The following ADGRB3 variants were observed in gnomAD, a reference collection of about 807,000 sequenced individuals.
The protein encoded by ADGRB3 is brain-specific angiogenesis inhibitor 3.
ADGRB3 carries 37 observed loss-of-function variants against 193.4 expected under a neutral mutation model. The ratio of observed to expected loss-of-function variants is 0.19; its 90% CI spans 0.15 to 0.25. The LOEUF is 0.25. ADGRB3 is among the 10% of genes least tolerant of loss of function. The pLI is 1.00. For synonymous variants in ADGRB3, 690 were observed against 644.2 expected (o/e 1.07, Z -1.08); for missense variants, 1,637 against 1,852.9 (o/e 0.88, Z 2.14).
At chr6:69,180,393 T>G (rs1582523627) in intron 17 of ADGRB3, among the ~76,000 whole-genome samples, 1 of 152,064 alleles carries the variant, frequency 6.6e-6, no homozygotes, top group African/African-American at 2.4e-5. Flanking sequence ...CTGATGCAGG[T>G]GAATGGGCAA....
chr6:69,104,697 A>T (rs1257623011), intron 17 of ADGRB3, among the ~76,000 whole-genome samples: 1 of 152,144 alleles, frequency 6.6e-6, no homozygotes, highest in Non-Finnish European at 1.5e-5. Flanking sequence ...CACTGAAAAC[A>T]CAATATGTGT....
At chr6:69,187,147 CA>C (rs1765088326) in intron 17 of ADGRB3, among the ~76,000 whole-genome samples, 1 of 151,756 alleles carries the variant, frequency 6.6e-6, no homozygotes, top group Admixed American at 6.6e-5. Flanking sequence ...TTCATGTTTA[CA>C]ATATGTGTAT....
chr6:68,907,085 A>C (rs1766568981), intron 3 of ADGRB3, among the ~76,000 whole-genome samples: 1 of 151,966 alleles, frequency 6.6e-6, no homozygotes, highest in African/African-American at 2.4e-5. Flanking sequence ...AGCACTCAGC[A>C]GCATCTGACT....
At chr6:68,733,552 T>C (rs1431229998) in intron 3 of ADGRB3, among the ~76,000 whole-genome samples, 1 of 151,694 alleles carries the variant, frequency 6.6e-6, no homozygotes, top group Non-Finnish European at 1.5e-5. Context: ...CCTGGGGAAA[T>C]GCGTTCACTA....
chr6:69,027,248 G>A (rs1427192419), intron 13 of ADGRB3, among the ~76,000 whole-genome samples: 1 of 150,674 alleles, frequency 6.6e-6, no homozygotes, highest in Non-Finnish European at 1.5e-5. Context: ...CCCAAGACAT[G>A]AATTCACACA....
chr6:68,967,185 A>G (rs1768408429), intron 8 of ADGRB3, among the ~76,000 whole-genome samples: 1 of 152,204 alleles, frequency 6.6e-6, no homozygotes, highest in South Asian at 2.1e-4. Flanking sequence ...CAATGAATCC[A>G]AGGCTTCATA....
At chr6:69,188,404 G>A (rs1765111954) in intron 17 of ADGRB3, among the ~76,000 whole-genome samples, 1 of 152,044 alleles carries the variant, frequency 6.6e-6, no homozygotes, top group African/African-American at 2.4e-5. Context: ...CACCTCCTGG[G>A]TTCAAGCGAT....
Position 69,332,033 on chromosome 6 carries a change from G to T in ADGRB3, c.3103-890G>T, listed in dbSNP as rs1435118896. 19 of 985,302 alleles carry T rather than the reference G, an allele frequency of 1.9e-5. No homozygotes were observed. The East Asian group carries it at 1.7e-3, about 88-fold the overall frequency. 61.0% of individuals were successfully genotyped at this position (985,302 alleles called of 1,614,324 possible). ...ATTCACCATCTTCATTGGCAGCAGGGCAGGGTTACACCAAGATTGGAAAGA... is the reference window on the plus strand; with the variant it reads ...ATTCACCATCTTCATTGGCAGCAGGTCAGGGTTACACCAAGATTGGAAAGA... On this transcript the variant is annotated intron_variant, in intron 23 of 31. Transcript: ENST00000370598.
intron 20 of ADGRB3, among the ~76,000 whole-genome samples, chr6:69,246,395 T>C (rs1286807678): frequency 6.6e-6 from 1 of 152,216 alleles, no homozygotes; most frequent in Non-Finnish European, 1.5e-5. Flanking sequence ...TGGTTCCGTT[T>C]TGAAGTATCT....
intron 26 of ADGRB3, among the ~76,000 whole-genome samples, chr6:69,340,465 CT>C (rs767184344): frequency 9.9e-5 from 15 of 152,076 alleles, no homozygotes; most frequent in Non-Finnish European, 1.8e-4. Flanking sequence ...CATTATCTAG[CT>C]TGTTTGAGAA....
intron 16 of ADGRB3, among the ~76,000 whole-genome samples, chr6:69,074,664 C>T (rs763616125): frequency 1.5e-4 from 23 of 151,874 alleles, no homozygotes; most frequent in Non-Finnish European, 2.8e-4. Context: ...CCTGCCTCAG[C>T]CTCCAGAGTA....
intron 3 of ADGRB3, among the ~76,000 whole-genome samples, chr6:68,871,933 T>G (rs1432339778): frequency 1.3e-5 from 2 of 152,138 alleles, no homozygotes; most frequent in African/African-American, 2.4e-5. Flanking sequence ...TTTCTTTGAT[T>G]AGGTTTATTT....
intron 11 of ADGRB3, among the ~76,000 whole-genome samples, chr6:69,009,155 A>G (rs113593230): frequency 3.2e-4 from 49 of 152,258 alleles, no homozygotes; most frequent in African/African-American, 9.9e-4. Flanking sequence ...ACAAGAGTGA[A>G]CAAAATAGAA....
At chr6:69,385,331 G>A (rs1381426702) in intron 31 of ADGRB3, among the ~76,000 whole-genome samples, 3 of 151,874 alleles carry the variant, frequency 2.0e-5, no homozygotes, top group African/African-American at 4.8e-5. Flanking sequence ...AAGGAGAGAG[G>A]AAGGAAGAAA....
intron 16 of ADGRB3, among the ~76,000 whole-genome samples, chr6:69,066,086 C>T (rs1365281958): frequency 1.3e-5 from 2 of 151,588 alleles, no homozygotes; most frequent in Admixed American, 6.6e-5. Context: ...GCAAGGGGTT[C>T]TGGAACCAAC....
chr6:69,369,435 C>T (rs1387620358), intron 29 of ADGRB3, among the ~76,000 whole-genome samples: 1 of 152,224 alleles, frequency 6.6e-6, no homozygotes, highest in Non-Finnish European at 1.5e-5. Context: ...TGGAGCCTCA[C>T]GCCTGTAATC....
chr6:68,651,042 A>G (rs1043322966), intron 3 of ADGRB3, among the ~76,000 whole-genome samples: 1 of 152,198 alleles, frequency 6.6e-6, no homozygotes, highest in Non-Finnish European at 1.5e-5. Flanking sequence ...TTTACTTTAT[A>G]TAATCTTTCC....
intron 13 of ADGRB3, among the ~76,000 whole-genome samples, chr6:69,031,056 C>T (rs1562128914): frequency 0.18 from 6,907 of 38,080 alleles, 1,536 homozygotes; most frequent in Middle Eastern, 0.48. Flanking sequence ...CTTCTCTTCT[C>T]TTCTCTTCTC....
At chr6:69,048,077 T>A (rs1771289012) in intron 13 of ADGRB3, 108 bp from the exon 14 acceptor site, 7 of 1,200,346 alleles carry the variant, frequency 5.8e-6, no homozygotes, top group Non-Finnish European at 8.3e-6. Flanking sequence ...AATACAATTT[T>A]GACTTGAAAT....
Sources: allele counts gnomAD v4.1 joint callset (sites outside exome capture counted in the v4.1 genomes callset), GRCh38; gene constraint gnomAD v4.1.1; transcripts MANE v1.5; gene names NCBI Gene and HGNC (gene_info 2026-07-23, HGNC 2026-07-21).